Variants in FAN1 observed in about 807,000 individuals in gnomAD.
The protein encoded by FAN1 is FANCD2 and FANCI associated nuclease 1.
Under a neutral mutation model 104.9 loss-of-function variants are expected in FAN1, and 91 were observed. The ratio of observed to expected loss-of-function variants is 0.87; its 90% CI spans 0.73 to 1.03. The LOEUF is 1.03. Among genes scored for constraint, FAN1 ranks in the 50% least tolerant of loss-of-function variants. The probability of loss-of-function intolerance (pLI) is 0.00; values close to 1 mark genes in which losing one functional copy is unlikely to be tolerated. For missense variants in FAN1, 1,263 were observed against 1,239.9 expected, an observed-to-expected ratio of 1.02 and a Z score of -0.28; for synonymous variants, 478 against 457.6, an observed-to-expected ratio of 1.04 and a Z score of -0.57.
chr15:30,937,013 GAGC>G (rs2062873944), intron 13 of FAN1, 103 bp from the exon 14 acceptor site: 12 of 841,142 alleles, frequency 1.4e-5, no homozygotes, highest in Non-Finnish European at 2.1e-5. Flanking sequence ...TACAGTGAGA[GAGC>G]AGAAGAGCCA....
chr15:30,905,434 C>T lies in FAN1; in HGVS notation c.771C>T (p.Phe257=), dbSNP rs372989498. ...ECEKSALTPG[F]SDNAIMLFSP... ...AGAAATCAGCCCTCACCCCTGGATT[C>T]TCAGATAATGCGATCATGTTATTCT... The change falls in exon 2 of 15, where the codon TTC becomes TTT. Residue 257 remains phenylalanine (F), a synonymous_variant. Transcript: ENST00000362065. 5.5e-5 allele frequency: 89 copies of T among 1,613,994 alleles called. No homozygotes were observed. The highest frequency in any genetic ancestry group is 7.0e-5 in the Non-Finnish European group (83 of 1,179,986).
chr15:30,927,925 A>G, intron 10 of FAN1: 2 of 985,752 alleles, frequency 2.0e-6, no homozygotes, highest in Non-Finnish European at 2.4e-6. Flanking sequence ...CCAGTCAGTA[A>G]AACATTTGTG....
At chr15:30,938,819 T>C (rs924258694) in intron 14 of FAN1, 1 of 766,870 alleles carries the variant, frequency 1.3e-6, no homozygotes, top group Non-Finnish European at 1.6e-6. Context: ...GATCACTACC[T>C]GGCTTTAGAG....
At position 30,905,599 on chromosome 15, in the gene FAN1, T is replaced by A; in HGVS notation, c.936T>A (p.Ala312=). The A allele has an allele frequency of 1.2e-6, 2 of 1,614,098 alleles. No homozygotes were observed. The highest frequency in any genetic ancestry group is 1.7e-6 in the Non-Finnish European group (2 of 1,179,954). Residue 312 remains alanine, a synonymous_variant, in exon 2 of 15, where the codon GCT becomes GCA. Coordinates refer to ENST00000362065, the MANE Select transcript of FAN1 (RefSeq NM_014967.5). Reference sequence around the variant, plus strand: ...TAAAAATGACTGTTGCTTCAGAAGCTAAAATACAGCTGTCAGATTCAGAGG... The same window carrying A: ...TAAAAATGACTGTTGCTTCAGAAGCAAAAATACAGCTGTCAGATTCAGAGG... ...EEVKMTVASE[A]KIQLSDSEAK...
chr15:30,929,414 A>G lies in FAN1; in HGVS notation c.2787+17A>G, dbSNP rs199971295. 44 of 1,577,074 alleles carry G rather than the reference A, an allele frequency of 2.8e-5. No homozygotes were observed. The highest frequency in any genetic ancestry group is 1.7e-4 in the Middle Eastern group (1 of 5,952). ...CAAGCTCAGGTAATGGTTCACCTGC[A>G]TGGCAGGATTTGCTCAGAAAGTTAA... On this transcript the variant is annotated intron_variant, in intron 12 of 14. Transcript: ENST00000362065.
Position 30,905,523 on chromosome 15 carries a change from AGT to A in FAN1, c.863_864del (p.Cys288TyrfsTer6). Reference sequence around the variant, plus strand: ...TCAGAAGACAGTCTTGTAAAGCAAGAGTGTATCAAAGAAGTGGTTGAAAAACG... The same window carrying A: ...TCAGAAGACAGTCTTGTAAAGCAAGAGTATCAAAGAAGTGGTTGAAAAACG... On this transcript the variant is annotated frameshift_variant, in exon 2 of 15. Coordinates refer to ENST00000362065, the MANE Select transcript of FAN1 (RefSeq NM_014967.5). LOFTEE classifies it high-confidence loss of function. The A allele has an allele frequency of 6.2e-7, 1 of 1,614,114 alleles. No individual in the cohort carries two copies. Among genetic ancestry groups the A allele is most frequent in the Non-Finnish European group, 8.5e-7 (1 of 1,179,956 alleles).
Position 30,925,855 on chromosome 15 carries a change from G to A in FAN1, c.2404G>A (p.Gly802Arg), listed in dbSNP as rs759477975. ...MCKSVFVMEAGEAADPTTVLC... is the reference protein window; with the variant it reads ...MCKSVFVMEAREAADPTTVLC... ...CAAGTCTGTGTTTGTGATGGAGGCCGGGGAGGCCGCTGACCCCACCACGGT... is the reference window on the plus strand; with the variant it reads ...CAAGTCTGTGTTTGTGATGGAGGCCAGGGAGGCCGCTGACCCCACCACGGT... Residue 802 changes from glycine (G) to arginine (R), a missense_variant, in exon 10 of 15, where the codon GGG becomes AGG. Coordinates refer to ENST00000362065, the MANE Select transcript of FAN1 (RefSeq NM_014967.5). 6.2e-6 allele frequency: 10 copies of A among 1,613,950 alleles called. No homozygotes were observed. Among genetic ancestry groups the A allele is most frequent in the African/African-American group, 5.3e-5 (4 of 74,956 alleles).
rs778927800 is a variant in FAN1, at chr15:30,925,200, G to A, written c.2246G>A (p.Arg749Gln). ...RTGHRLSLYQRAVRLRESPSC... is the reference protein window; with the variant it reads ...RTGHRLSLYQQAVRLRESPSC... ...GGACACCGCCTTTCACTGTATCAGC[G>A]AGCCGTGCGCCTGCGAGAGTCTCCG... The change falls in exon 9 of 15, where the codon CGA (arginine) becomes CAA (glutamine). Residue 749 changes from arginine (R) to glutamine (Q), a missense_variant. Arg to Gln is a conservative substitution (Grantham distance 43). Coordinates refer to ENST00000362065, the MANE Select transcript of FAN1 (RefSeq NM_014967.5). The A allele has an allele frequency of 4.3e-6, 7 of 1,614,034 alleles. No homozygotes were observed. Among genetic ancestry groups the A allele is most frequent in the Non-Finnish European group, 4.2e-6 (5 of 1,180,004 alleles).
intron 14 of FAN1, chr15:30,940,288 A>G: frequency 1.0e-6 from 1 of 983,654 alleles, no homozygotes; most frequent in Admixed American, 6.2e-5. Flanking sequence ...TTTACTTTAG[A>G]GAGATTCAGA....
intron 8 of FAN1, among the ~76,000 whole-genome samples, chr15:30,924,754 G>A (rs1240519415): frequency 6.6e-6 from 1 of 151,864 alleles, no homozygotes; most frequent in Non-Finnish European, 1.5e-5. Flanking sequence ...GTGGATCCGG[G>A]GTGGGACACA....
At chr15:30,930,797 G>T (rs760778351) in intron 13 of FAN1, 126 bp downstream of exon 13, 112 of 1,222,766 alleles carry the variant, frequency 9.2e-5, no homozygotes, top group Non-Finnish European at 1.3e-4. Flanking sequence ...TTGGGCCGAG[G>T]GCCTGGGTTC....
intron 13 of FAN1, among the ~76,000 whole-genome samples, chr15:30,935,602 T>TAA (rs1356884756): frequency 4.9e-5 from 3 of 61,028 alleles, no homozygotes; most frequent in African/African-American, 1.1e-4. Flanking sequence ...TGCCATTTTA[T>TAA]ATCAGGGACT....
intron 13 of FAN1, among the ~76,000 whole-genome samples, chr15:30,931,868 C>T (rs35497908): frequency 0.23 from 34,555 of 151,668 alleles, 4,938 homozygotes; most frequent in African/African-American, 0.41. Context: ...CAAAGTTGTT[C>T]TGGCTCTTTT....
chr15:30,927,790 G>A (rs1431711127), intron 10 of FAN1: 11 of 985,824 alleles, frequency 1.1e-5, no homozygotes, highest in Non-Finnish European at 1.3e-5. Context: ...GCAGCTGGAT[G>A]AGCTGGGGCT....
chr15:30,912,079 T>C (rs1248041646), intron 4 of FAN1, among the ~76,000 whole-genome samples: 2 of 140,606 alleles, frequency 1.4e-5, no homozygotes, highest in Non-Finnish European at 3.1e-5. Context: ...AAAAAAAAAA[T>C]AGCAGCCCTT....
rs138664775 is a variant in FAN1, at chr15:30,941,324, T to G, written c.*4-242T>G. ...AAAATAAGTGTGAAAGAAGCATGAT[T>G]CAACATGTTTTTAAATATTAGTGCA... On this transcript the variant is annotated intron_variant, in intron 14 of 14. Transcript: ENST00000362065. The G allele has an allele frequency of 3.4e-5, 52 of 1,530,918 alleles. No individual in the cohort carries two copies. In the East Asian group the frequency reaches 1.3e-3, roughly 37 times the overall value. 94.8% of individuals were successfully genotyped at this position (1,530,918 alleles called of 1,614,324 possible). A position where few individuals can be genotyped will look rare whatever the true frequency, so the allele number is the denominator to read the frequency against.
At chr15:30,912,360 CA>C (rs1426868790) in intron 4 of FAN1, among the ~76,000 whole-genome samples, 1 of 152,210 alleles carries the variant, frequency 6.6e-6, no homozygotes, top group Non-Finnish European at 1.5e-5. Flanking sequence ...CACATTATTA[CA>C]GAAAAAGGCA....
intron 14 of FAN1, chr15:30,939,984 T>C (rs1018632944): frequency 1.0e-6 from 1 of 979,944 alleles, no homozygotes; most frequent in African/African-American, 1.8e-5. Context: ...TATCAAATTT[T>C]AAAAGGCAAA....
At position 30,911,811 on chromosome 15, in the gene FAN1, C is replaced by T. The variant is rs1300959962; in HGVS notation, c.1577+996C>T. 6.1e-6 allele frequency: 4 copies of T among 660,008 alleles called. No individual in the cohort carries two copies. In the African/African-American group the frequency reaches 7.9e-5, roughly 13 times the overall value. The allele number at this position is 660,008 out of a possible 1,614,324, so 40.9% of individuals were successfully genotyped here. On this transcript the variant is annotated intron_variant, in intron 4 of 14. Transcript: ENST00000362065. ...GGGCACAGTGGCTCACACCTGTAAT[C>T]CCAGCACTTTGGGAGGCTGAGGCAG...
Sources: gnomAD v4.1 joint callset for allele counts (sites outside exome capture counted in the v4.1 genomes callset) on GRCh38, gnomAD v4.1.1 for gene constraint, MANE v1.5 for transcripts, NCBI Gene and HGNC (gene_info 2026-07-23, HGNC 2026-07-21) for gene names.